Variants in MTCL2 observed in about 807,000 individuals in gnomAD.
MTCL2 encodes the protein microtubule crosslinking factor 2, also known as microtubule cross-linking factor 2.
At chr20:36,841,193 C>T in the MTCL2 span, among the ~76,000 whole-genome samples, 48 of 140,766 alleles carry the variant, frequency 3.4e-4, no homozygotes, top group African/African-American at 1.3e-3. Flanking sequence ...ATGAGCCCAG[C>T]GTGGTGGTTC....
At chr20:36,823,603 T>C in the MTCL2 span, among the ~76,000 whole-genome samples, 1 of 152,122 alleles carries the variant, frequency 6.6e-6, no homozygotes, top group Non-Finnish European at 1.5e-5. Flanking sequence ...GCCCAGGAGT[T>C]TGAGACCAGC....
the MTCL2 span, among the ~76,000 whole-genome samples, chr20:36,817,692 A>G: frequency 6.6e-6 from 1 of 152,154 alleles, no homozygotes; most frequent in East Asian, 1.9e-4. Flanking sequence ...AGATGATTCT[A>G]AAAACACCTG....
chr20:36,818,769 T>C, the MTCL2 span, among the ~76,000 whole-genome samples: 1 of 152,190 alleles, frequency 6.6e-6, no homozygotes, highest in South Asian at 2.1e-4. Flanking sequence ...TGAAAAAATA[T>C]CTGCAATGTA....
the MTCL2 span, chr20:36,796,924 T>A: frequency 6.2e-7 from 1 of 1,613,930 alleles, no homozygotes; most frequent in Non-Finnish European, 8.5e-7. Context: ...GGAAACAGCC[T>A]CCTTGTCGTG....
chr20:36,856,017 C>T, the MTCL2 span, among the ~76,000 whole-genome samples: 3 of 152,170 alleles, frequency 2.0e-5, no homozygotes, highest in Non-Finnish European at 4.4e-5. Context: ...AGACCACTCC[C>T]AGCAAGGTGC....
chr20:36,845,007 T>A, the MTCL2 span, among the ~76,000 whole-genome samples: 1 of 75,684 alleles, frequency 1.3e-5, no homozygotes, highest in African/African-American at 4.7e-5. Context: ...CAAGATTCTG[T>A]CTCAAAAAAA....
At chr20:36,837,862 C>A in the MTCL2 span, among the ~76,000 whole-genome samples, 1 of 152,178 alleles carries the variant, frequency 6.6e-6, no homozygotes, top group Non-Finnish European at 1.5e-5. Flanking sequence ...CAGGCATGAG[C>A]CACTGTGCCC....
the MTCL2 span, among the ~76,000 whole-genome samples, chr20:36,849,933 C>T: frequency 6.6e-6 from 1 of 152,030 alleles, no homozygotes; most frequent in Non-Finnish European, 1.5e-5. Flanking sequence ...GCAACAGCTC[C>T]CAGCTGGGAG....
the MTCL2 span, among the ~76,000 whole-genome samples, chr20:36,838,084 G>A: frequency 6.7e-6 from 1 of 149,494 alleles, no homozygotes; most frequent in South Asian, 2.1e-4. Flanking sequence ...GTCTCGCTCT[G>A]TCGCCCAGGC....
chr20:36,812,852 C>A, the MTCL2 span: 1 of 1,609,262 alleles, frequency 6.2e-7, no homozygotes, highest in Middle Eastern at 1.7e-4. Flanking sequence ...TGGCTGCACC[C>A]AGAGGCACAG....
At chr20:36,802,620 G>T in the MTCL2 span, among the ~76,000 whole-genome samples, 1 of 152,198 alleles carries the variant, frequency 6.6e-6, no homozygotes, top group Non-Finnish European at 1.5e-5. Context: ...GCTTGTTTAA[G>T]AGTAAAGCTA....
the MTCL2 span, among the ~76,000 whole-genome samples, chr20:36,818,586 A>G: frequency 6.6e-6 from 1 of 152,210 alleles, no homozygotes; most frequent in African/African-American, 2.4e-5. Flanking sequence ...GATTGCTTGC[A>G]TTGAGGAGTT....
chr20:36,819,285 T>C, the MTCL2 span, among the ~76,000 whole-genome samples: 1 of 152,252 alleles, frequency 6.6e-6, no homozygotes, highest in Admixed American at 6.5e-5. Context: ...TAGGTTGTTT[T>C]GACTTTTCAA....
At chr20:36,809,928 C>T in the MTCL2 span, 1 of 1,557,854 alleles carries the variant, frequency 6.4e-7, no homozygotes, top group Non-Finnish European at 8.7e-7. Flanking sequence ...CCTCTGCTTC[C>T]AGCTCAGAGA....
the MTCL2 span, chr20:36,797,038 G>T: frequency 8.6e-7 from 1 of 1,169,024 alleles, no homozygotes; most frequent in Non-Finnish European, 1.3e-6. Flanking sequence ...CGACCTCAGT[G>T]CTTGAATCTC....
chr20:36,832,108 A>G, the MTCL2 span, among the ~76,000 whole-genome samples: 1 of 152,252 alleles, frequency 6.6e-6, no homozygotes, highest in African/African-American at 2.4e-5. Flanking sequence ...GGATGAACAA[A>G]TAAATCCAAG....
At chr20:36,836,001 C>T in the MTCL2 span, among the ~76,000 whole-genome samples, 1 of 151,996 alleles carries the variant, frequency 6.6e-6, no homozygotes, top group African/African-American at 2.4e-5. Context: ...CCACTATATG[C>T]CCAAACGCAG....
chr20:36,785,323 T>C, the MTCL2 span: 2 of 985,430 alleles, frequency 2.0e-6, no homozygotes, highest in Non-Finnish European at 2.4e-6. Context: ...CAAGAATGCA[T>C]GTTTCAACCT....
At chr20:36,861,130 C>T in the MTCL2 span, among the ~76,000 whole-genome samples, 13 of 152,136 alleles carry the variant, frequency 8.5e-5, no homozygotes, top group Non-Finnish European at 1.6e-4. Context: ...CTCAGAGTTT[C>T]GGTTAAGGCC....
Sources: allele counts gnomAD v4.1 joint callset (sites outside exome capture counted in the v4.1 genomes callset), GRCh38; gene constraint gnomAD v4.1.1; transcripts MANE v1.5; gene names NCBI Gene and HGNC (gene_info 2026-07-23, HGNC 2026-07-21).